The following ZNF503 variants were observed in gnomAD, a reference collection of about 807,000 sequenced individuals.
ZNF503 encodes NocA-like zinc finger 2.
A neutral mutation model predicts 34.4 loss-of-function variants in ZNF503; 15 were observed. The ratio of observed to expected loss-of-function variants is 0.44; its 90% confidence interval spans 0.29 to 0.67. ZNF503 has a LOEUF of 0.67. ZNF503 is among the 30% of genes least tolerant of loss of function. The pLI is 0.13. For missense variants in ZNF503, 1,007 were observed against 926.8 expected (o/e 1.09, Z -1.12); for synonymous variants, 580 against 456.8 (o/e 1.27, Z -3.44).
the ZNF503 span, among the ~76,000 whole-genome samples, chr10:75,330,579 A>G: frequency 6.6e-6 from 1 of 152,078 alleles, no homozygotes; most frequent in South Asian, 2.1e-4. Context: ...CAATCTTGGT[A>G]GGTTGTATGT....
At chr10:75,311,670 CAA>C in the ZNF503 span, among the ~76,000 whole-genome samples, 23,766 of 109,084 alleles carry the variant, frequency 0.22, 2,223 homozygotes, top group Middle Eastern at 0.26. Context: ...CTAAAAATAC[CAA>C]AAAAAAAAAA....
the ZNF503 span, among the ~76,000 whole-genome samples, chr10:75,376,464 C>T: frequency 1.3e-5 from 2 of 151,990 alleles, no homozygotes; most frequent in African/African-American, 4.8e-5. Flanking sequence ...GCCAACATGG[C>T]GAAACCCTGT....
At chr10:75,400,526 T>TG in intron 1 of ZNF503, 152 bp from the exon 2 acceptor site, 1 of 1,402,464 alleles carries the variant, frequency 7.1e-7, no homozygotes, top group African/African-American at 1.4e-5. Context: ...CACCCCCTCT[T>TG]CAACACCCAC....
the ZNF503 span, among the ~76,000 whole-genome samples, chr10:75,313,930 A>G: frequency 6.6e-6 from 1 of 152,230 alleles, no homozygotes; most frequent in Non-Finnish European, 1.5e-5. Context: ...GATGTGGAGG[A>G]AACACATGAG....
the ZNF503 span, among the ~76,000 whole-genome samples, chr10:75,353,510 G>A: frequency 0.31 from 47,801 of 151,874 alleles, 8,010 homozygotes; most frequent in Middle Eastern, 0.4. Context: ...CAGAGCTCAG[G>A]GCGGGTGCCA....
the ZNF503 span, among the ~76,000 whole-genome samples, chr10:75,308,178 C>CCTGGGTGA: frequency 6.9e-6 from 1 of 145,210 alleles, no homozygotes; most frequent in Non-Finnish European, 1.5e-5. Flanking sequence ...AAAAACAAAT[C>CCTGGGTGA]CTGGGTGACA....
At chr10:75,285,166 G>C in the ZNF503 span, among the ~76,000 whole-genome samples, 3 of 152,220 alleles carry the variant, frequency 2.0e-5, no homozygotes, top group Non-Finnish European at 4.4e-5. Context: ...GCACTGTGCT[G>C]CAAGCTTTGT....
the ZNF503 span, among the ~76,000 whole-genome samples, chr10:75,337,070 TCC>T: frequency 6.6e-6 from 1 of 152,164 alleles, no homozygotes; most frequent in Non-Finnish European, 1.5e-5. Context: ...ACACCTGTAA[TCC>T]CAGCACTTTG....
At chr10:75,333,113 C>G in the ZNF503 span, among the ~76,000 whole-genome samples, 5 of 143,062 alleles carry the variant, frequency 3.5e-5, no homozygotes, top group Admixed American at 6.8e-5. Context: ...GGCTGACCCC[C>G]CAACCTCCCT....
At chr10:75,356,905 C>T in the ZNF503 span, among the ~76,000 whole-genome samples, 7 of 152,214 alleles carry the variant, frequency 4.6e-5, no homozygotes, top group Non-Finnish European at 7.4e-5. Context: ...AAGGTGTAGG[C>T]GTGTCGAACA....
the ZNF503 span, among the ~76,000 whole-genome samples, chr10:75,338,815 G>A: frequency 6.6e-6 from 1 of 152,222 alleles, no homozygotes; most frequent in Non-Finnish European, 1.5e-5. Flanking sequence ...GGCACCAGCG[G>A]TGTGCCCTGC....
chr10:75,342,732 C>T, the ZNF503 span, among the ~76,000 whole-genome samples: 1 of 151,970 alleles, frequency 6.6e-6, no homozygotes. Flanking sequence ...CACGAGTTGT[C>T]CCAATGTTCT....
At chr10:75,343,033 C>A in the ZNF503 span, among the ~76,000 whole-genome samples, 1 of 152,158 alleles carries the variant, frequency 6.6e-6, no homozygotes, top group African/African-American at 2.4e-5. Context: ...TGAGCTGAGA[C>A]CCAAGGACTG....
the ZNF503 span, among the ~76,000 whole-genome samples, chr10:75,385,714 G>A: frequency 6.6e-6 from 1 of 152,250 alleles, no homozygotes; most frequent in African/African-American, 2.4e-5. Flanking sequence ...AGTCGAGGAA[G>A]GAGTGTCAGC....
chr10:75,300,953 CT>C, the ZNF503 span, among the ~76,000 whole-genome samples: 1 of 152,076 alleles, frequency 6.6e-6, no homozygotes, highest in South Asian at 2.1e-4. Context: ...ATCCACCCCC[CT>C]GGGTCTCCCA....
Position 75,401,258 on chromosome 10 carries a change from C to G in ZNF503, c.162G>C (p.Lys54Asn). The G allele has an allele frequency of 6.2e-7, 1 of 1,602,038 alleles. No homozygotes were observed. Among genetic ancestry groups the G allele is most frequent in the Non-Finnish European group, 8.5e-7 (1 of 1,175,048 alleles). The change falls in exon 1 of 2, where the codon AAG (lysine) becomes AAC (asparagine). Residue 54 changes from lysine to asparagine, a missense_variant. Lys to Asn is a moderately conservative substitution (Grantham distance 94). Transcript: ENST00000372524. Reference protein sequence around the residue: ...GPGSSPAGSTKPFVHAVPPSD... With the variant: ...GPGSSPAGSTNPFVHAVPPSD... ...AGGGGGGCACGGCGTGCACAAAAGG[C>G]TTGGTGCTGCCGGCCGGGGACGAGC...
the ZNF503 span, among the ~76,000 whole-genome samples, chr10:75,347,902 A>T: frequency 6.6e-6 from 1 of 152,020 alleles, no homozygotes; most frequent in African/African-American, 2.4e-5. Flanking sequence ...TTTGAGATGG[A>T]GTCTTCCTCT....
At chr10:75,367,344 G>A in the ZNF503 span, among the ~76,000 whole-genome samples, 9 of 152,152 alleles carry the variant, frequency 5.9e-5, no homozygotes, top group Non-Finnish European at 1.2e-4. Flanking sequence ...GCAGGATGCT[G>A]TCACTTGAAA....
At position 75,399,159 on chromosome 10, in the gene ZNF503, G is replaced by A. The variant is rs1414904816; in HGVS notation, c.1531C>T (p.Pro511Ser). Residue 511 changes from proline to serine, a missense_variant, in exon 2 of 2, where the codon CCA (proline) becomes TCA (serine). By Grantham distance (74) the Pro-to-Ser change is moderately conservative. Coordinates refer to ENST00000372524, the MANE Select transcript of ZNF503 (RefSeq NM_032772.6). ...ACCCAGTTGCAGATGTGGGGGAGTG[G>A]GTCGTTAGGGAGCATAAAGCCGTAG... ...YPYGFMLPND[P>S]LPHICNWVSA... is the part of the protein sequence containing the mutation. 20 of 1,612,874 alleles carry A rather than the reference G, an allele frequency of 1.2e-5. No individual in the cohort carries two copies. Among genetic ancestry groups the A allele is most frequent in the Admixed American group, 3.3e-5 (2 of 59,988 alleles).
Sources: gnomAD v4.1 joint callset for allele counts (sites outside exome capture counted in the v4.1 genomes callset) on GRCh38, gnomAD v4.1.1 for gene constraint, MANE v1.5 for transcripts, NCBI Gene and HGNC (gene_info 2026-07-23, HGNC 2026-07-21) for gene names.